B3GALT1: variants seen among roughly 807,000 people sequenced by gnomAD.
The protein encoded by B3GALT1 is beta-1,3-galactosyltransferase 1, also known as UDP-Gal:betaGlcNAc beta 1,3-galactosyltransferase, polypeptide 1.
Under a neutral mutation model 23.2 loss-of-function variants are expected in B3GALT1, and 10 were observed. The ratio of observed to expected loss-of-function variants is 0.43; its 90% CI spans 0.27 to 0.73. The LOEUF is 0.73. B3GALT1 is among the 30% of genes least tolerant of loss of function. B3GALT1 has a pLI of 0.21. For synonymous variants in B3GALT1, 156 were observed against 141.5 expected (o/e 1.10, Z -0.73); for missense variants, 299 against 405.4 (o/e 0.74, Z 2.25).
intron 2 of B3GALT1, among the ~76,000 whole-genome samples, chr2:167,627,401 G>T (rs1346760010): frequency 6.6e-6 from 1 of 151,648 alleles, no homozygotes; most frequent in Non-Finnish European, 1.5e-5. Context: ...TTTCTGGAAT[G>T]ACATGTAAAT....
chr2:167,766,698 G>A (rs1173554928), intron 3 of B3GALT1, among the ~76,000 whole-genome samples: 3 of 152,118 alleles, frequency 2.0e-5, no homozygotes, highest in Admixed American at 6.5e-5. Context: ...TCACAAAATT[G>A]CCCTTGTTTG....
At chr2:167,476,839 G>A (rs1699493821) in intron 1 of B3GALT1, among the ~76,000 whole-genome samples, 1 of 152,030 alleles carries the variant, frequency 6.6e-6, no homozygotes, top group South Asian at 2.1e-4. Context: ...AGACAGCAAA[G>A]AAGAAAAAGA....
intron 1 of B3GALT1, among the ~76,000 whole-genome samples, chr2:167,372,163 CA>C (rs1272712993): frequency 7.9e-5 from 12 of 151,480 alleles, no homozygotes; most frequent in Non-Finnish European, 2.9e-5. Flanking sequence ...GGATTTAGCC[CA>C]AAAATGAAAA....
intron 1 of B3GALT1, among the ~76,000 whole-genome samples, chr2:167,471,373 GA>G (rs1013916204): frequency 6.6e-6 from 1 of 150,916 alleles, no homozygotes; most frequent in African/African-American, 2.4e-5. Flanking sequence ...AGCTGAAAAG[GA>G]AAAAAAAATC....
chr2:167,772,929 T>C (rs1688096831), intron 3 of B3GALT1, among the ~76,000 whole-genome samples: 1 of 152,204 alleles, frequency 6.6e-6, no homozygotes, highest in South Asian at 2.1e-4. Context: ...CTTTACCCCT[T>C]AGGCCAAAGG....
At chr2:167,436,898 T>A (rs1370766172) in intron 1 of B3GALT1, among the ~76,000 whole-genome samples, 1 of 152,180 alleles carries the variant, frequency 6.6e-6, no homozygotes, top group Non-Finnish European at 1.5e-5. Flanking sequence ...TTTCTGGATA[T>A]AGAATCTTGA....
rs56318085 is a variant in B3GALT1, at chr2:167,408,015, GAC to G, written c.-510-82106_-510-82105del. Reference sequence around the variant, plus strand: ...TACCCTGATAACAAAAGCAGGCAAAGACACACACACACACACACACACACACA... The same window carrying G: ...TACCCTGATAACAAAAGCAGGCAAAGACACACACACACACACACACACACA... On this transcript the variant is annotated intron_variant, in intron 1 of 4. Transcript: ENST00000392690. Among the ~76,000 whole-genome samples, 944 of 129,670 alleles carry G rather than the reference GAC, an allele frequency of 7.3e-3. 9 individuals are homozygous for G. The highest frequency in any genetic ancestry group is 0.022 in the African/African-American group (787 of 35,194). 85.1% of individuals were successfully genotyped at this position (129,670 alleles called of 152,430 possible).
chr2:167,835,754 G>T (rs571099103), intron 4 of B3GALT1, among the ~76,000 whole-genome samples: 1 of 151,624 alleles, frequency 6.6e-6, no homozygotes, highest in East Asian at 1.9e-4. Context: ...TGACCCCTGA[G>T]CAGCCTAACT....
At chr2:167,454,231 G>C (rs997868761) in intron 1 of B3GALT1, among the ~76,000 whole-genome samples, 1 of 139,418 alleles carries the variant, frequency 7.2e-6, no homozygotes, top group African/African-American at 2.7e-5. Context: ...GCGTGCACGT[G>C]TGTGCATGTA....
At chr2:167,344,838 C>T (rs1409419234) in intron 1 of B3GALT1, among the ~76,000 whole-genome samples, 1 of 152,044 alleles carries the variant, frequency 6.6e-6, no homozygotes, top group Non-Finnish European at 1.5e-5. Context: ...AATGTCATAG[C>T]CAGATTTATT....
chr2:167,341,970 C>G (rs1697154415), intron 1 of B3GALT1, among the ~76,000 whole-genome samples: 1 of 152,176 alleles, frequency 6.6e-6, no homozygotes, highest in African/African-American at 2.4e-5. Context: ...ATGGACATTA[C>G]TTGCCTGGCC....
chr2:167,299,709 C>T (rs1696415345), intron 1 of B3GALT1, among the ~76,000 whole-genome samples: 1 of 151,888 alleles, frequency 6.6e-6, no homozygotes, highest in South Asian at 2.1e-4. Context: ...TAATCTTTAG[C>T]TGACTAAAAT....
intron 3 of B3GALT1, among the ~76,000 whole-genome samples, chr2:167,676,803 A>C (rs6433004): frequency 1 from 151,722 of 152,268 alleles, 75,591 homozygotes; most frequent in Middle Eastern, 1. Flanking sequence ...TGTGAAAGTG[A>C]TGGGATTACA....
chr2:167,665,669 A>G (rs1686164657), intron 3 of B3GALT1, among the ~76,000 whole-genome samples: 1 of 152,000 alleles, frequency 6.6e-6, no homozygotes, highest in African/African-American at 2.4e-5. Context: ...CAGAGATTCA[A>G]CTTCTTCCTG....
chr2:167,715,145 T>A (rs1687123080), intron 3 of B3GALT1: 2 of 1,613,906 alleles, frequency 1.2e-6, no homozygotes, highest in Admixed American at 3.3e-5. Flanking sequence ...TTTGGGAGGA[T>A]CATCTAAGTA....
At chr2:167,732,486 A>G (rs1326817659) in intron 3 of B3GALT1, among the ~76,000 whole-genome samples, 1 of 152,214 alleles carries the variant, frequency 6.6e-6, no homozygotes, top group Non-Finnish European at 1.5e-5. Flanking sequence ...GCCAACATGC[A>G]GTGGATATGC....
At chr2:167,579,022 G>A (rs1684431879) in intron 2 of B3GALT1, among the ~76,000 whole-genome samples, 1 of 152,052 alleles carries the variant, frequency 6.6e-6, no homozygotes, top group African/African-American at 2.4e-5. Context: ...TGGTAATAGG[G>A]CGAAGCACTA....
intron 1 of B3GALT1, among the ~76,000 whole-genome samples, chr2:167,306,735 C>T (rs1325825217): frequency 2.0e-5 from 3 of 151,946 alleles, no homozygotes; most frequent in East Asian, 1.9e-4. Context: ...TCTCATTTCT[C>T]ATGATATTCT....
chr2:167,390,910 T>C (rs1230012567), intron 1 of B3GALT1, among the ~76,000 whole-genome samples: 1 of 152,182 alleles, frequency 6.6e-6, no homozygotes, highest in East Asian at 1.9e-4. Context: ...CATCCCATCT[T>C]TTTATTTACT....
Sources: gnomAD v4.1 joint callset for allele counts (sites outside exome capture counted in the v4.1 genomes callset) on GRCh38, gnomAD v4.1.1 for gene constraint, MANE v1.5 for transcripts, NCBI Gene and HGNC (gene_info 2026-07-23, HGNC 2026-07-21) for gene names.